Variants in CSMD1 observed in about 807,000 individuals in gnomAD.
CSMD1 encodes CUB and sushi domain-containing protein 1.
A neutral mutation model predicts 417.5 loss-of-function variants in CSMD1; 213 were observed. The observed-to-expected ratio is 0.51, with a 90% CI of 0.46 to 0.57. The LOEUF is 0.57. CSMD1 is among the 20% of genes least tolerant of loss of function. The pLI is 0.00. For synonymous variants in CSMD1, 2,862 were observed against 1,736.8 expected (o/e 1.65, Z -16.11); for missense variants, 6,923 against 4,529.7 (o/e 1.53, Z -15.17).
At chr8:3,936,589 GT>G (rs1351605269) in intron 5 of CSMD1, among the ~76,000 whole-genome samples, 1 of 152,110 alleles carries the variant, frequency 6.6e-6, no homozygotes, top group African/African-American at 2.4e-5. Context: ...TTATAGCATG[GT>G]TTACTGAATA....
At chr8:4,679,871 T>A (rs895152509) in intron 1 of CSMD1, among the ~76,000 whole-genome samples, 1 of 152,164 alleles carries the variant, frequency 6.6e-6, no homozygotes, top group South Asian at 2.1e-4. Context: ...CAATGCATAA[T>A]AAATGCAATA....
chr8:3,132,021 C>T (rs909820311), intron 41 of CSMD1, among the ~76,000 whole-genome samples: 7 of 152,156 alleles, frequency 4.6e-5, no homozygotes, highest in Admixed American at 4.6e-4. Flanking sequence ...TGTCCAAACT[C>T]ATCCTTCACC....
At chr8:4,259,488 C>G (rs1204700155) in intron 3 of CSMD1, among the ~76,000 whole-genome samples, 1 of 151,912 alleles carries the variant, frequency 6.6e-6, no homozygotes, top group Non-Finnish European at 1.5e-5. Context: ...AATTTTCATA[C>G]ATAAAGTTTA....
intron 3 of CSMD1, among the ~76,000 whole-genome samples, chr8:4,112,757 A>G (rs1255229877): frequency 2.0e-5 from 3 of 152,204 alleles, no homozygotes; most frequent in African/African-American, 7.2e-5. Context: ...TATATCCTTA[A>G]ATGCTCCAGC....
rs531599293 is a variant in CSMD1 at position 3,130,461 on chromosome 8, T to C, written c.6242-11874A>G. Among the ~76,000 whole-genome samples the C allele has an allele frequency of 2.5e-4, 38 of 151,928 alleles. No homozygotes were observed. The South Asian group carries it at 7.9e-3, about 32-fold the overall frequency. Reference sequence around the variant, plus strand: ...TCGCTTCCCCCAACCCCCATCCACATACAATTCATTCTCTGCATGTAAGCA... The same window carrying C: ...TCGCTTCCCCCAACCCCCATCCACACACAATTCATTCTCTGCATGTAAGCA... On this transcript the variant is annotated intron_variant, in intron 41 of 69. Transcript: ENST00000635120.
chr8:4,686,255 G>A (rs943756197), intron 1 of CSMD1, among the ~76,000 whole-genome samples: 4 of 152,192 alleles, frequency 2.6e-5, no homozygotes, highest in East Asian at 1.9e-4. Flanking sequence ...TGCCAAGCAC[G>A]AGAGTGAAGG....
At chr8:3,610,315 T>G (rs1022427668) in intron 8 of CSMD1, among the ~76,000 whole-genome samples, 30 of 152,302 alleles carry the variant, frequency 2.0e-4, no homozygotes, top group African/African-American at 7.2e-4. Flanking sequence ...GGAGGACTGC[T>G]TGAGGCCAGG....
At chr8:3,227,891 C>A (rs1585717594) in intron 27 of CSMD1, among the ~76,000 whole-genome samples, 1 of 151,874 alleles carries the variant, frequency 6.6e-6, no homozygotes, top group Admixed American at 6.6e-5. Flanking sequence ...CCTCAGCCTC[C>A]CAAGTAGCTG....
intron 3 of CSMD1, among the ~76,000 whole-genome samples, chr8:4,140,423 G>A (rs1434624993): frequency 2.0e-5 from 3 of 150,866 alleles, no homozygotes; most frequent in Admixed American, 6.6e-5. Flanking sequence ...GCTTGAACCT[G>A]GGAAGTGGAG....
At position 4,379,160 on chromosome 8, in the gene CSMD1, T is replaced by C. The variant is rs1023036486; in HGVS notation, c.415+40793A>G. 3.3e-5 allele frequency among the ~76,000 whole-genome samples: 5 copies of C among 152,186 alleles called. No homozygotes were observed. The South Asian group carries it at 8.3e-4, about 25-fold the overall frequency. ...TATCAGCCCCTGTAATTTGAGACACTGGAAATGGCTGATTTATTCTGTAGT... is the reference window on the plus strand; with the variant it reads ...TATCAGCCCCTGTAATTTGAGACACCGGAAATGGCTGATTTATTCTGTAGT... On this transcript the variant is annotated intron_variant, in intron 3 of 69. Coordinates refer to ENST00000635120, the MANE Select transcript of CSMD1 (RefSeq NM_033225.6).
chr8:4,937,490 G>C (rs75408475), intron 1 of CSMD1, among the ~76,000 whole-genome samples: 3 of 152,224 alleles, frequency 2.0e-5, no homozygotes, highest in African/African-American at 4.8e-5. Flanking sequence ...GATGAAAAGA[G>C]ATTTACAAAG....
intron 7 of CSMD1, among the ~76,000 whole-genome samples, chr8:3,648,432 G>C (rs1797684985): frequency 6.6e-6 from 1 of 152,174 alleles, no homozygotes; most frequent in Non-Finnish European, 1.5e-5. Flanking sequence ...CTCAAATTGA[G>C]ATTTTAATAC....
chr8:3,142,452 T>C lies in CSMD1; in HGVS notation c.6241+13A>G. On this transcript the variant is annotated intron_variant, in intron 41 of 69. Transcript: ENST00000635120. ...TTTAGATTTGGGTTTCGGTTCTCGT[T>C]GTTGTTCCATACCTTGGTAAGCAAG... 1 of 1,607,984 alleles carries C rather than the reference T, an allele frequency of 6.2e-7. No homozygotes were observed. The highest frequency in any genetic ancestry group is 8.5e-7 in the Non-Finnish European group (1 of 1,176,000).
intron 3 of CSMD1, among the ~76,000 whole-genome samples, chr8:4,406,714 A>G (rs566649050): frequency 6.6e-6 from 1 of 152,324 alleles, no homozygotes; most frequent in South Asian, 2.1e-4. Flanking sequence ...CAAGCTTGTG[A>G]TGTCCAAATG....
intron 2 of CSMD1, among the ~76,000 whole-genome samples, chr8:4,452,361 A>C (rs932627096): frequency 6.6e-5 from 10 of 152,180 alleles, no homozygotes; most frequent in African/African-American, 2.4e-4. Flanking sequence ...CTGGGGTGAC[A>C]AGTACAATAC....
chr8:3,260,102 T>A (rs1800945631), intron 26 of CSMD1, among the ~76,000 whole-genome samples: 2 of 152,240 alleles, frequency 1.3e-5, no homozygotes, highest in Non-Finnish European at 2.9e-5. Context: ...GCATTTTTCT[T>A]TGCATGTATA....
intron 1 of CSMD1, among the ~76,000 whole-genome samples, chr8:4,976,038 G>C (rs1810543662): frequency 6.6e-6 from 1 of 152,144 alleles, no homozygotes; most frequent in Non-Finnish European, 1.5e-5. Context: ...TTTACTTGCA[G>C]GTAATAATTT....
intron 11 of CSMD1, among the ~76,000 whole-genome samples, chr8:3,476,006 C>T (rs1817391600): frequency 6.6e-6 from 1 of 152,162 alleles, no homozygotes; most frequent in Admixed American, 6.5e-5. Flanking sequence ...CCCTTTGCAC[C>T]TTGCTAAATG....
At chr8:4,096,530 G>A (rs948275185) in intron 3 of CSMD1, among the ~76,000 whole-genome samples, 4 of 151,966 alleles carry the variant, frequency 2.6e-5, no homozygotes, top group African/African-American at 7.3e-5. Flanking sequence ...AAAAAACTGA[G>A]AATGTTAAAT....
Sources: allele counts gnomAD v4.1 joint callset (sites outside exome capture counted in the v4.1 genomes callset), GRCh38; gene constraint gnomAD v4.1.1; transcripts MANE v1.5; gene names NCBI Gene and HGNC (gene_info 2026-07-23, HGNC 2026-07-21).